Variants in PTPRC observed in about 807,000 individuals in gnomAD.
PTPRC encodes the protein receptor-type tyrosine-protein phosphatase C.
In PTPRC, 44 loss-of-function variants were observed where a neutral mutation model predicts 155.9. The ratio of observed to expected loss-of-function variants is 0.28; its 90% CI spans 0.22 to 0.36. The LOEUF (loss-of-function observed/expected upper bound fraction) is 0.36. Among genes scored for constraint, PTPRC ranks in the 10% least tolerant of loss-of-function variants. PTPRC has a pLI of 1.00. For synonymous variants in PTPRC, 525 were observed against 533.1 expected (o/e 0.98, Z 0.21); for missense variants, 1,401 against 1,564.6 (o/e 0.90, Z 1.76).
intron 2 of PTPRC, among the ~76,000 whole-genome samples, chr1:198,645,435 C>T (rs1446744814): frequency 2.0e-5 from 3 of 151,754 alleles, no homozygotes; most frequent in African/African-American, 7.3e-5. Flanking sequence ...AGCTGGGAAA[C>T]ATCATGACAT....
chr1:198,718,046 T>C (rs746105802), intron 13 of PTPRC, 48 bp from the exon 14 acceptor site: 1 of 1,401,934 alleles, frequency 7.1e-7, no homozygotes, highest in South Asian at 1.2e-5. Context: ...GTAATTTACA[T>C]ATGCATCTAT....
At chr1:198,649,482 T>C (rs1299496328) in intron 2 of PTPRC, among the ~76,000 whole-genome samples, 2 of 151,878 alleles carry the variant, frequency 1.3e-5, no homozygotes, top group African/African-American at 2.4e-5. Flanking sequence ...AGGGAGCTGA[T>C]AAAAGTAACT....
At chr1:198,744,648 T>A (rs1337171435) in intron 26 of PTPRC, among the ~76,000 whole-genome samples, 1 of 151,904 alleles carries the variant, frequency 6.6e-6, no homozygotes, top group African/African-American at 2.4e-5. Context: ...GATAAGTACA[T>A]GTGTCTTAAC....
intron 27 of PTPRC, 124 bp downstream of exon 27, chr1:198,748,323 A>G (rs1238763329): frequency 2.3e-6 from 3 of 1,308,042 alleles, no homozygotes; most frequent in Non-Finnish European, 3.1e-6. Flanking sequence ...GGTTGTTAAT[A>G]GGGAAGAAGT....
rs867397383 is a variant in PTPRC, at chr1:198,640,326, A to T, written c.73+985A>T. Among the ~76,000 whole-genome samples, 3 of 152,040 alleles carry T rather than the reference A, an allele frequency of 2.0e-5. No individual in the cohort carries two copies. The South Asian group carries it at 6.2e-4, about 31-fold the overall frequency. On this transcript the variant is annotated intron_variant, in intron 2 of 32. Coordinates refer to ENST00000442510, the MANE Select transcript of PTPRC (RefSeq NM_002838.5). ...AAAAGTATAAAAAGTATTTTAAAAC[A>T]ACTTGCTTATTACAATTCACTTTGA...
At chr1:198,697,901 A>G (rs908581070) in intron 4 of PTPRC, among the ~76,000 whole-genome samples, 3 of 152,210 alleles carry the variant, frequency 2.0e-5, no homozygotes, top group African/African-American at 7.2e-5. Flanking sequence ...TTCCTACAGC[A>G]AGTACAAGAC....
chr1:198,733,888 G>A (rs554853628), intron 20 of PTPRC, among the ~76,000 whole-genome samples: 4 of 151,804 alleles, frequency 2.6e-5, no homozygotes, highest in Non-Finnish European at 5.9e-5. Context: ...ATGTTGAAAT[G>A]TCTAGAGCAC....
chr1:198,685,538 G>T (rs371057982), intron 2 of PTPRC, among the ~76,000 whole-genome samples: 1 of 151,944 alleles, frequency 6.6e-6, no homozygotes, highest in Non-Finnish European at 1.5e-5. Flanking sequence ...GCTTGTCGCT[G>T]CCCAGAGTGC....
At chr1:198,751,268 T>C (rs1655369806) in intron 29 of PTPRC, among the ~76,000 whole-genome samples, 1 of 152,044 alleles carries the variant, frequency 6.6e-6, no homozygotes, top group Non-Finnish European at 1.5e-5. Context: ...AAGCTATAAT[T>C]TGATTTTTTT....
At chr1:198,749,009 C>A (rs1655259806) in intron 27 of PTPRC, among the ~76,000 whole-genome samples, 1 of 151,506 alleles carries the variant, frequency 6.6e-6, no homozygotes, top group African/African-American at 2.4e-5. Flanking sequence ...TTAATCAAAG[C>A]TACCCATATA....
At chr1:198,677,901 CGAG>C (rs1665053705) in intron 2 of PTPRC, among the ~76,000 whole-genome samples, 1 of 151,626 alleles carries the variant, frequency 6.6e-6, no homozygotes, top group South Asian at 2.1e-4. Flanking sequence ...TAGGTCATTC[CGAG>C]GAGAATATAA....
rs191520732 is a variant in PTPRC, at chr1:198,754,296, T to A, written c.3537T>A (p.Phe1179Leu). The A allele has an allele frequency of 1.2e-6, 2 of 1,611,618 alleles. No homozygotes were observed. Among genetic ancestry groups the A allele is most frequent in the South Asian group, 2.2e-5 (2 of 91,046 alleles). The change falls in exon 32 of 33, where the codon TTT (phenylalanine) becomes TTA (leucine). Residue 1179 changes from phenylalanine to leucine, a missense_variant. Phe to Leu is a conservative substitution (Grantham distance 22, BLOSUM62 0). This residue lies in a region of PTPRC where 400 missense variants were observed against 389.5 expected (regional missense o/e 1.03). Coordinates refer to ENST00000442510, the MANE Select transcript of PTPRC (RefSeq NM_002838.5). ...ATGGATCTCAGCAAACGGGAATATT[T>A]TGTGCTTTGTTAAATCTCTTAGAAA... ...CRDGSQQTGI[F>L]CALLNLLESA...
At position 198,692,957 on chromosome 1, in the gene PTPRC, C is replaced by T. The variant is rs567438497; in HGVS notation, c.100+584C>T. On this transcript the variant is annotated intron_variant, in intron 3 of 32. Transcript: ENST00000442510. The stretch of plus-strand genomic sequence containing the variant: ...GCTGCAAATAAATTCATACATAGTA[C>T]ATACAAAATAAGAGAAAAAATTAAA... The T allele has an allele frequency of 6.1e-5, 56 of 918,432 alleles. No homozygotes were observed. In the African/African-American group the frequency reaches 9.9e-4, roughly 16 times the overall value. 56.9% of individuals were successfully genotyped at this position (918,432 alleles called of 1,614,324 possible). A position where few individuals can be genotyped will look rare whatever the true frequency, so the allele number is the denominator to read the frequency against.
At chr1:198,692,886 T>C in intron 3 of PTPRC, 1 of 891,416 alleles carries the variant, frequency 1.1e-6, no homozygotes, top group Non-Finnish European at 1.3e-6. Flanking sequence ...ACTTCAATAG[T>C]CCTTATAAAT....
At chr1:198,691,086 G>A (rs1234262218) in intron 2 of PTPRC, among the ~76,000 whole-genome samples, 1 of 151,920 alleles carries the variant, frequency 6.6e-6, no homozygotes, top group Non-Finnish European at 1.5e-5. Context: ...TACCTATGCT[G>A]GCTCTCTCCT....
At position 198,748,089 on chromosome 1, in the gene PTPRC, G is replaced by GTTTTTT. The variant is rs57296163; in HGVS notation, c.2848-9_2848-4dup. On this transcript the variant is annotated intron_variant, in intron 26 of 32. Transcript: ENST00000442510. ...ATTTACATTTTAAAGGAGTTTTTCT[G>GTTTTTT]TTTTTTTTTTTTTTTTCAGAGACTT... The GTTTTTT allele has an allele frequency of 1.8e-5, 27 of 1,473,208 alleles. No individual in the cohort carries two copies. Among genetic ancestry groups the GTTTTTT allele is most frequent in the South Asian group, 3.8e-5 (3 of 78,340 alleles). 91.3% of individuals were successfully genotyped at this position (1,473,208 alleles called of 1,614,324 possible). A position where few individuals can be genotyped will look rare whatever the true frequency, so the allele number is the denominator to read the frequency against.
In PTPRC at chr1:198,742,267, T is replaced by C; in HGVS notation, c.2597T>C (p.Ile866Thr). 1 of 1,612,362 alleles carries C rather than the reference T, an allele frequency of 6.2e-7. No individual in the cohort carries two copies. Among genetic ancestry groups the C allele is most frequent in the East Asian group, 2.2e-5 (1 of 44,812 alleles). ...GVGRTGTYIG[I>T]DAMLEGLEAE... ...GGGCGCACAGGAACCTATATCGGAA[T>C]TGATGCCATGCTAGAAGGCCTGGAA... Residue 866 changes from isoleucine to threonine, a missense_variant, in exon 25 of 33, where the codon ATT becomes ACT. By Grantham distance (89) the Ile-to-Thr change is moderately conservative. This residue lies in a region of PTPRC where 134 missense variants were observed against 204.7 expected (regional missense o/e 0.65). Coordinates refer to ENST00000442510, the MANE Select transcript of PTPRC (RefSeq NM_002838.5).
chr1:198,710,070 A>G (rs1653214441), intron 11 of PTPRC, among the ~76,000 whole-genome samples: 3 of 152,186 alleles, frequency 2.0e-5, no homozygotes, highest in Admixed American at 6.5e-5. Flanking sequence ...TAAAAATTTT[A>G]TAGCATTGGC....
At chr1:198,709,116 A>G (rs1653152184) in intron 10 of PTPRC, among the ~76,000 whole-genome samples, 1 of 152,206 alleles carries the variant, frequency 6.6e-6, no homozygotes, top group Non-Finnish European at 1.5e-5. Context: ...GTGCAATTTC[A>G]ACTTTAAGTT....
Sources: gnomAD v4.1 joint callset for allele counts (sites outside exome capture counted in the v4.1 genomes callset) on GRCh38, gnomAD v4.1.1 for gene constraint, gnomAD v4.1.1 regional missense constraint, MANE v1.5 for transcripts, NCBI Gene and HGNC (gene_info 2026-07-23, HGNC 2026-07-21) for gene names.